MON2: variants seen among roughly 807,000 people sequenced by gnomAD.
MON2 encodes MON2 regulator of endosome-to-Golgi trafficking.
In MON2, 84 loss-of-function variants were observed where a neutral mutation model predicts 208.6. The observed-to-expected ratio is 0.40, with a 90% CI of 0.34 to 0.48. The LOEUF (loss-of-function observed/expected upper bound fraction) is 0.48. MON2 is among the 20% of genes least tolerant of loss of function. The pLI, the probability that MON2 is intolerant of heterozygous loss-of-function variation, is 0.59. For missense variants in MON2, 1,611 were observed against 2,015.4 expected, an observed-to-expected ratio of 0.80 and a Z score of 3.84; for synonymous variants, 660 against 694.0, an observed-to-expected ratio of 0.95 and a Z score of 0.77.
At chr12:62,479,512 G>T (rs796249371) in intron 1 of MON2, among the ~76,000 whole-genome samples, 4 of 149,704 alleles carry the variant, frequency 2.7e-5, no homozygotes, top group African/African-American at 9.8e-5. Flanking sequence ...AGGCCTGGCT[G>T]TATGGTATTA....
chr12:62,589,710 G>A (rs923738586), intron 34 of MON2, among the ~76,000 whole-genome samples: 50 of 136,198 alleles, frequency 3.7e-4, no homozygotes, highest in Admixed American at 1.1e-3. Flanking sequence ...AGGAGTCTGA[G>A]ACCATCCTGG....
chr12:62,579,445 C>T (rs1046860976), intron 31 of MON2, among the ~76,000 whole-genome samples: 13 of 151,282 alleles, frequency 8.6e-5, no homozygotes, highest in Admixed American at 1.3e-4. Flanking sequence ...TACATTTGGC[C>T]GGGCGCGGTG....
intron 2 of MON2, among the ~76,000 whole-genome samples, chr12:62,492,412 C>T (rs1473434552): frequency 1.2e-4 from 17 of 143,286 alleles, no homozygotes; most frequent in Non-Finnish European, 1.5e-4. Context: ...TCGCCCAGGC[C>T]GGACTGCGGA....
chr12:62,467,424 C>T, intron 1 of MON2, 106 bp downstream of exon 1: 1 of 888,320 alleles, frequency 1.1e-6, no homozygotes, highest in Non-Finnish European at 1.8e-6. Context: ...CAGGCCTCAC[C>T]TTTCCAGATT....
intron 26 of MON2, among the ~76,000 whole-genome samples, chr12:62,564,114 CTT>C (rs1253611530): frequency 1.3e-5 from 2 of 151,996 alleles, no homozygotes; most frequent in African/African-American, 4.8e-5. Flanking sequence ...GACAATCACA[CTT>C]GGGTATGGGG....
At chr12:62,539,651 G>A (rs373674193) in intron 19 of MON2, among the ~76,000 whole-genome samples, 1 of 152,100 alleles carries the variant, frequency 6.6e-6, no homozygotes, top group African/African-American at 2.4e-5. Context: ...GGTGAAGAAA[G>A]TCTCATTAGA....
In MON2 at chr12:62,560,450, C is replaced by T. The variant is rs770248670; in HGVS notation, c.3410-41C>T. ...GTCTAATATGAAGAGAAAATTTGAT[C>T]GCTTTTATGATAATAGTTTTTTTTT... On this transcript the variant is annotated intron_variant, in intron 25 of 34. Transcript: ENST00000393630. 55 of 1,526,744 alleles carry T rather than the reference C, an allele frequency of 3.6e-5. No homozygotes were observed. In the South Asian group the frequency reaches 4.2e-4, roughly 12 times the overall value. 94.6% of individuals were successfully genotyped at this position (1,526,744 alleles called of 1,614,324 possible). A position where few individuals can be genotyped will look rare whatever the true frequency, so the allele number is the denominator to read the frequency against.
At chr12:62,480,435 T>G (rs2069350886) in intron 1 of MON2, among the ~76,000 whole-genome samples, 1 of 152,028 alleles carries the variant, frequency 6.6e-6, no homozygotes, top group Admixed American at 6.6e-5. Flanking sequence ...TGTGGTGGTG[T>G]GTGCCTGTGG....
rs71083999 is a variant in MON2 at position 62,479,431 on chromosome 12, T to TC, written c.112-4725dup. Among the ~76,000 whole-genome samples the TC allele has an allele frequency of 3.0e-3, 356 of 117,084 alleles. 3 individuals carry two copies. Among genetic ancestry groups the TC allele is most frequent in the East Asian group, 7.1e-3 (21 of 2,970 alleles). 76.8% of individuals were successfully genotyped at this position (117,084 alleles called of 152,430 possible). On this transcript the variant is annotated intron_variant, in intron 1 of 34. Transcript: ENST00000393630. ...TAAAATGTGTGTGTGTGTGTGTATATCCCCCCCCCCCCCCAAATATTTTTG... is the reference window on the plus strand; with the variant it reads ...TAAAATGTGTGTGTGTGTGTGTATATCCCCCCCCCCCCCCCAAATATTTTTG...
intron 21 of MON2, among the ~76,000 whole-genome samples, chr12:62,546,027 G>A (rs562873219): frequency 2.6e-5 from 4 of 152,068 alleles, no homozygotes; most frequent in Admixed American, 1.3e-4. Context: ...TAAGAATGAA[G>A]GGTTTTCAGA....
At chr12:62,529,984 G>A (rs2072543915) in intron 11 of MON2, among the ~76,000 whole-genome samples, 1 of 151,894 alleles carries the variant, frequency 6.6e-6, no homozygotes, top group African/African-American at 2.4e-5. Flanking sequence ...TTTTCTTTAT[G>A]GTGGGAACAT....
intron 26 of MON2, 135 bp from the exon 27 acceptor site, chr12:62,565,102 A>C: frequency 1.2e-6 from 1 of 808,170 alleles, no homozygotes; most frequent in African/African-American, 1.8e-5. Flanking sequence ...TGTGTCCTTT[A>C]GGGCTCAGAA....
At chr12:62,532,820 G>T in intron 12 of MON2, 150 bp downstream of exon 12, 1 of 639,718 alleles carries the variant, frequency 1.6e-6, no homozygotes, top group Admixed American at 2.9e-5. Context: ...TTATATACAT[G>T]TGACTATACT....
At chr12:62,535,868 G>C (rs1433503885) in intron 14 of MON2, among the ~76,000 whole-genome samples, 159 bp downstream of exon 14, 1 of 99,800 alleles carries the variant, frequency 1.0e-5, no homozygotes, top group African/African-American at 4.0e-5. Flanking sequence ...AATATGGGGT[G>C]GGGGGTGGGG....
rs1040860032 is a variant in MON2 at position 62,596,915 on chromosome 12, A to C, written c.*4166A>C. On this transcript the variant is annotated 3_prime_UTR_variant, in exon 35 of 35. Transcript: ENST00000393630. ...CTAACAGTGTTGGCTATTTAAAAGA[A>C]CATGTGGCAAGTTCTATATGAATAT... The C allele has an allele frequency of 6.6e-6, 1 of 152,248 alleles. No individual in the cohort carries two copies. The highest frequency in any genetic ancestry group is 1.5e-5 in the Non-Finnish European group (1 of 68,044). 9.4% of individuals were successfully genotyped at this position (152,248 alleles called of 1,614,324 possible).
rs1410182237 is a variant in MON2 at position 62,556,137 on chromosome 12, A to T, written c.3354A>T (p.Thr1118=). The change falls in exon 25 of 35, where the codon ACA becomes ACT. Residue 1118 remains threonine, a synonymous_variant. Transcript: ENST00000393630. ...EKQWAETWVL[T]LAGVARIFNT... ...AATGGGCTGAGACGTGGGTATTAAC[A>T]TTGGCTGGAGTAGCAAGGATCTTCA... 1.9e-6 allele frequency: 3 copies of T among 1,614,136 alleles called. No homozygotes were observed. Among genetic ancestry groups the T allele is most frequent in the Non-Finnish European group, 2.5e-6 (3 of 1,180,016 alleles).
At chr12:62,499,101 T>C (rs565510668) in intron 5 of MON2, 53 bp downstream of exon 5, 1 of 1,580,106 alleles carries the variant, frequency 6.3e-7, no homozygotes, top group Non-Finnish European at 8.6e-7. Flanking sequence ...ATGATTTCAT[T>C]TGTATTAACT....
At position 62,526,034 on chromosome 12, in the gene MON2, A is replaced by G; in HGVS notation, c.1332A>G (p.Ala444=). The G allele has an allele frequency of 1.9e-6, 3 of 1,613,956 alleles. No homozygotes were observed. Among genetic ancestry groups the G allele is most frequent in the Non-Finnish European group, 2.5e-6 (3 of 1,179,864 alleles). The part of the protein sequence containing the change: ...GIGGGVTLLP[A]FEYRGTWIPI... ...GTGGAGGTGTTACTTTGCTACCAGC[A>G]TTTGAATATAGGGGAACCTGGATAC... is the stretch of plus-strand genomic sequence containing the variant. Residue 444 remains alanine, a synonymous_variant, in exon 11 of 35, where the codon GCA becomes GCG. Coordinates refer to ENST00000393630, the MANE Select transcript of MON2 (RefSeq NM_015026.3).
chr12:62,548,942 T>A (rs1323479765), intron 22 of MON2, among the ~76,000 whole-genome samples: 1 of 152,178 alleles, frequency 6.6e-6, no homozygotes, highest in East Asian at 1.9e-4. Flanking sequence ...TATAAAAGAA[T>A]GAGGAGCTCT....
Sources: gnomAD v4.1 joint callset for allele counts (sites outside exome capture counted in the v4.1 genomes callset) on GRCh38, gnomAD v4.1.1 for gene constraint, MANE v1.5 for transcripts, NCBI Gene and HGNC (gene_info 2026-07-23, HGNC 2026-07-21) for gene names.